The following B3GALT1 variants were observed in gnomAD, a reference collection of about 807,000 sequenced individuals.
B3GALT1 encodes beta-1,3-galactosyltransferase 1.
A neutral mutation model predicts 23.2 loss-of-function variants in B3GALT1; 10 were observed. The ratio of observed to expected loss-of-function variants is 0.43; its 90% CI spans 0.27 to 0.73. The LOEUF is 0.73. Among genes scored for constraint, B3GALT1 ranks in the 30% least tolerant of loss-of-function variants. B3GALT1 has a pLI of 0.21. For missense variants in B3GALT1, 299 were observed against 405.4 expected, an observed-to-expected ratio of 0.74 and a Z score of 2.25; for synonymous variants, 156 against 141.5, an observed-to-expected ratio of 1.10 and a Z score of -0.73.
intron 1 of B3GALT1, among the ~76,000 whole-genome samples, chr2:167,308,872 A>G (rs920926994): frequency 6.6e-6 from 1 of 151,716 alleles, no homozygotes; most frequent in African/African-American, 2.4e-5. Flanking sequence ...TATCTAAAAC[A>G]ATGATGTCAG....
At chr2:167,601,690 G>T (rs1684880325) in intron 2 of B3GALT1, among the ~76,000 whole-genome samples, 1 of 152,188 alleles carries the variant, frequency 6.6e-6, no homozygotes, top group Non-Finnish European at 1.5e-5. Context: ...TGGCAGAAAT[G>T]TATTAGAAAA....
intron 2 of B3GALT1, among the ~76,000 whole-genome samples, chr2:167,585,319 T>A (rs1195536084): frequency 6.6e-6 from 1 of 152,126 alleles, no homozygotes; most frequent in African/African-American, 2.4e-5. Context: ...TGTCCAAAAT[T>A]TATATGTTGG....
At chr2:167,652,142 G>A (rs188400666) in intron 3 of B3GALT1, among the ~76,000 whole-genome samples, 2 of 152,308 alleles carry the variant, frequency 1.3e-5, no homozygotes, top group Admixed American at 1.3e-4. Context: ...GACAGAGGCT[G>A]TACCCAGCAC....
intron 1 of B3GALT1, among the ~76,000 whole-genome samples, chr2:167,462,499 T>C (rs1386479074): frequency 6.6e-6 from 1 of 152,188 alleles, no homozygotes; most frequent in Non-Finnish European, 1.5e-5. Flanking sequence ...GAAAATCTCA[T>C]TTCCATCCAT....
At chr2:167,408,728 C>T (rs576874799) in intron 1 of B3GALT1, among the ~76,000 whole-genome samples, 2 of 149,856 alleles carry the variant, frequency 1.3e-5, no homozygotes, top group Admixed American at 1.3e-4. Flanking sequence ...AGAAACCAAG[C>T]CCATTTCCAA....
intron 1 of B3GALT1, among the ~76,000 whole-genome samples, chr2:167,489,627 C>T (rs892180386): frequency 6.6e-6 from 1 of 152,136 alleles, no homozygotes; most frequent in Non-Finnish European, 1.5e-5. Flanking sequence ...TTTTCACTGG[C>T]TCACGTCAGT....
intron 4 of B3GALT1, among the ~76,000 whole-genome samples, chr2:167,843,388 C>T (rs562813817): frequency 2.6e-5 from 4 of 152,284 alleles, no homozygotes; most frequent in African/African-American, 7.2e-5. Flanking sequence ...CACACTTGAC[C>T]AGATGCCCAG....
At chr2:167,501,063 C>A (rs1045307881) in intron 2 of B3GALT1, among the ~76,000 whole-genome samples, 1 of 151,930 alleles carries the variant, frequency 6.6e-6, no homozygotes, top group Non-Finnish European at 1.5e-5. Flanking sequence ...ATCAATGAGA[C>A]AACCAACTTC....
At chr2:167,312,092 A>G (rs1696641295) in intron 1 of B3GALT1, among the ~76,000 whole-genome samples, 1 of 152,036 alleles carries the variant, frequency 6.6e-6, no homozygotes, top group African/African-American at 2.4e-5. Flanking sequence ...CTTAAAGCAA[A>G]AAAAGTAATA....
At chr2:167,493,908 G>T (rs1392865972) in intron 2 of B3GALT1, among the ~76,000 whole-genome samples, 1 of 152,026 alleles carries the variant, frequency 6.6e-6, no homozygotes, top group Non-Finnish European at 1.5e-5. Flanking sequence ...TCCTCATGTT[G>T]TTGTATTACT....
chr2:167,804,503 G>C (rs889742242), intron 3 of B3GALT1, among the ~76,000 whole-genome samples: 6 of 151,862 alleles, frequency 4.0e-5, no homozygotes, highest in African/African-American at 1.2e-4. Context: ...ACAGGCCCCA[G>C]TGTGTGATGT....
intron 2 of B3GALT1, among the ~76,000 whole-genome samples, chr2:167,518,223 C>T (rs112109778): frequency 9.3e-4 from 141 of 152,186 alleles, no homozygotes; most frequent in African/African-American, 3.3e-3. Flanking sequence ...CAATTGTAAT[C>T]TCATTAGCAC....
intron 4 of B3GALT1, among the ~76,000 whole-genome samples, chr2:167,855,564 A>G (rs1689985577): frequency 6.6e-6 from 1 of 152,224 alleles, no homozygotes; most frequent in Non-Finnish European, 1.5e-5. Context: ...TAATTACTAA[A>G]TGTCACAACA....
At chr2:167,506,879 G>A (rs1699925940) in intron 2 of B3GALT1, among the ~76,000 whole-genome samples, 1 of 152,116 alleles carries the variant, frequency 6.6e-6, no homozygotes, top group Non-Finnish European at 1.5e-5. Flanking sequence ...AAATTTCATT[G>A]ACTGGAATGT....
intron 3 of B3GALT1, among the ~76,000 whole-genome samples, chr2:167,678,162 TAGATA>T (rs1474678911): frequency 6.6e-6 from 1 of 152,208 alleles, no homozygotes; most frequent in Admixed American, 6.5e-5. Flanking sequence ...TTCATATCCC[TAGATA>T]ATTAGCCTTT....
intron 3 of B3GALT1, among the ~76,000 whole-genome samples, chr2:167,774,642 C>T (rs1394557337): frequency 1.3e-5 from 2 of 151,526 alleles, no homozygotes; most frequent in South Asian, 2.1e-4. Flanking sequence ...GGATTACAGG[C>T]ATGTGCCACC....
At chr2:167,448,733 G>A (rs533093607) in intron 1 of B3GALT1, among the ~76,000 whole-genome samples, 3 of 152,144 alleles carry the variant, frequency 2.0e-5, no homozygotes, top group Admixed American at 6.5e-5. Flanking sequence ...TATGGTTTCA[G>A]GTCTTAGATT....
intron 1 of B3GALT1, among the ~76,000 whole-genome samples, chr2:167,301,896 C>T (rs1461888871): frequency 6.6e-6 from 1 of 152,082 alleles, no homozygotes; most frequent in East Asian, 1.9e-4. Context: ...CTGTAAATAG[C>T]AGAAGGGAAA....
intron 3 of B3GALT1, among the ~76,000 whole-genome samples, chr2:167,738,717 A>G (rs1010732882): frequency 6.6e-6 from 1 of 152,214 alleles, no homozygotes; most frequent in African/African-American, 2.4e-5. Context: ...GTAATGCCTC[A>G]AGATTCTTAG....
Sources: gnomAD v4.1 joint callset for allele counts (sites outside exome capture counted in the v4.1 genomes callset) on GRCh38, gnomAD v4.1.1 for gene constraint, MANE v1.5 for transcripts, NCBI Gene and HGNC (gene_info 2026-07-23, HGNC 2026-07-21) for gene names.